ULK4: variants seen among roughly 807,000 people sequenced by gnomAD.
The protein encoded by ULK4 is inactive serine/threonine-protein kinase ULK4.
Under a neutral mutation model 160.6 loss-of-function variants are expected in ULK4, and 133 were observed. That is an observed-to-expected ratio of 0.83 (90% CI 0.72 to 0.96). The LOEUF (loss-of-function observed/expected upper bound fraction) is 0.96. ULK4 is among the 40% of genes least tolerant of loss of function. The pLI, the probability that ULK4 is intolerant of heterozygous loss-of-function variation, is 0.00. For missense variants in ULK4, 1,580 were observed against 1,499.5 expected (o/e 1.05, Z -0.89); for synonymous variants, 534 against 539.8 (o/e 0.99, Z 0.15).
intron 17 of ULK4, among the ~76,000 whole-genome samples, chr3:41,879,893 G>T (rs1438529970): frequency 1.3e-5 from 2 of 152,112 alleles, no homozygotes; most frequent in African/African-American, 4.8e-5. Context: ...GAGGCGGATG[G>T]ATTATTTGAG....
At chr3:41,758,822 A>T (rs1204448206) in intron 21 of ULK4, among the ~76,000 whole-genome samples, 1 of 151,658 alleles carries the variant, frequency 6.6e-6, no homozygotes, top group Non-Finnish European at 1.5e-5. Flanking sequence ...GCAGTGAGCC[A>T]AGATCGCGCC....
rs372058579 is a variant in ULK4 at position 41,460,642 on chromosome 3, C to T, written c.3393+2445G>A. 2.0e-5 allele frequency among the ~76,000 whole-genome samples: 3 copies of T among 152,044 alleles called. No individual in the cohort carries two copies. In the East Asian group the frequency reaches 5.8e-4, roughly 29 times the overall value. On this transcript the variant is annotated intron_variant, in intron 33 of 36. Transcript: ENST00000301831. Reference sequence around the variant, plus strand: ...ATGAACTGAGTGCTCTTCCATGCACCGGGATGTAGAAATGAGAAAGTCATG... The same window carrying T: ...ATGAACTGAGTGCTCTTCCATGCACTGGGATGTAGAAATGAGAAAGTCATG...
chr3:41,836,358 A>G (rs868446940), intron 17 of ULK4, among the ~76,000 whole-genome samples: 5 of 152,144 alleles, frequency 3.3e-5, no homozygotes, highest in Admixed American at 6.5e-5. Context: ...TTCTTAGTAG[A>G]GACGGGGTTT....
At chr3:41,898,064 C>T (rs1438257737) in intron 14 of ULK4, among the ~76,000 whole-genome samples, 2 of 152,112 alleles carry the variant, frequency 1.3e-5, no homozygotes, top group Non-Finnish European at 2.9e-5. Flanking sequence ...TAATAGAATC[C>T]CAATCCTTCA....
chr3:41,854,838 G>C (rs2042296424), intron 17 of ULK4: 1 of 150,978 alleles, frequency 6.6e-6, no homozygotes, highest in African/African-American at 2.4e-5. Flanking sequence ...ACCCTTTCAA[G>C]TGCCACCACA....
intron 17 of ULK4, among the ~76,000 whole-genome samples, chr3:41,850,015 A>G (rs562971254): frequency 6.6e-6 from 1 of 152,012 alleles, no homozygotes; most frequent in East Asian, 1.9e-4. Flanking sequence ...CCTGTGCCCA[A>G]GTGTCCTCAT....
intron 30 of ULK4, among the ~76,000 whole-genome samples, chr3:41,654,054 A>T (rs1483387465): frequency 6.6e-6 from 1 of 152,240 alleles, no homozygotes; most frequent in Non-Finnish European, 1.5e-5. Context: ...GTAAACTCAC[A>T]TCTATGTTAA....
chr3:41,623,184 A>T (rs576997690), intron 30 of ULK4, among the ~76,000 whole-genome samples: 1 of 152,342 alleles, frequency 6.6e-6, no homozygotes, highest in East Asian at 1.9e-4. Context: ...AACACCAGAT[A>T]TTTAATAGTA....
At chr3:41,884,729 C>T (rs1169184066) in intron 16 of ULK4, among the ~76,000 whole-genome samples, 2 of 152,176 alleles carry the variant, frequency 1.3e-5, no homozygotes, top group Non-Finnish European at 2.9e-5. Context: ...GAAAACAAAT[C>T]AGACTCAGAG....
chr3:41,505,388 C>T (rs2085341683), intron 32 of ULK4, among the ~76,000 whole-genome samples: 2 of 152,118 alleles, frequency 1.3e-5, no homozygotes, highest in African/African-American at 4.8e-5. Flanking sequence ...GAGATCCATC[C>T]ATACTGTATT....
intron 32 of ULK4, among the ~76,000 whole-genome samples, chr3:41,508,084 G>T (rs891013660): frequency 7.2e-5 from 11 of 152,226 alleles, no homozygotes; most frequent in Admixed American, 6.5e-4. Flanking sequence ...AGTCGGTGCC[G>T]CTGGGGAGCA....
chr3:41,912,995 G>C (rs1698841312), intron 8 of ULK4, 96 bp from the exon 9 acceptor site: 1 of 1,015,802 alleles, frequency 9.8e-7, no homozygotes, highest in Non-Finnish European at 1.5e-6. Flanking sequence ...GATTTTACAA[G>C]GTACACATGT....
chr3:41,333,818 A>C (rs1304765138), intron 35 of ULK4, among the ~76,000 whole-genome samples: 1 of 152,016 alleles, frequency 6.6e-6, no homozygotes, highest in African/African-American at 2.4e-5. Flanking sequence ...CAGAATCCTA[A>C]ACACCATGAC....
intron 17 of ULK4, among the ~76,000 whole-genome samples, chr3:41,855,689 C>A (rs2042319261): frequency 6.6e-6 from 1 of 152,120 alleles, no homozygotes; most frequent in Admixed American, 6.5e-5. Context: ...AGTAGAAATA[C>A]AAAGGAAGCT....
chr3:41,927,236 C>T (rs1699417876), intron 5 of ULK4, among the ~76,000 whole-genome samples: 1 of 152,108 alleles, frequency 6.6e-6, no homozygotes, highest in African/African-American at 2.4e-5. Flanking sequence ...AATTTCATAT[C>T]CAGACAAACT....
intron 32 of ULK4, among the ~76,000 whole-genome samples, chr3:41,469,678 A>G (rs1237159311): frequency 1.3e-5 from 2 of 150,206 alleles, no homozygotes; most frequent in African/African-American, 2.5e-5. Flanking sequence ...ACAAACACCA[A>G]TGCAAGAACA....
chr3:41,892,592 T>C (rs143091596), intron 16 of ULK4, among the ~76,000 whole-genome samples: 42 of 152,346 alleles, frequency 2.8e-4, no homozygotes, highest in African/African-American at 1.0e-3. Flanking sequence ...AATTGTCCTA[T>C]AGAACTGATG....
At chr3:41,597,136 G>A (rs1479040836) in intron 31 of ULK4, among the ~76,000 whole-genome samples, 5 of 152,100 alleles carry the variant, frequency 3.3e-5, no homozygotes, top group South Asian at 2.1e-4. Flanking sequence ...CACACAGCAC[G>A]GAGGTGACTG....
At chr3:41,471,995 A>T (rs766411082) in intron 32 of ULK4, among the ~76,000 whole-genome samples, 3 of 151,762 alleles carry the variant, frequency 2.0e-5, no homozygotes, top group Non-Finnish European at 2.9e-5. Flanking sequence ...AATTAAAAAT[A>T]TCAGAGCAGA....
Sources: allele counts gnomAD v4.1 joint callset (sites outside exome capture counted in the v4.1 genomes callset), GRCh38; gene constraint gnomAD v4.1.1; transcripts MANE v1.5; gene names NCBI Gene and HGNC (gene_info 2026-07-23, HGNC 2026-07-21).